Variants in IGF1R observed in about 807,000 individuals in gnomAD.
IGF1R encodes insulin like growth factor 1 receptor, also known as insulin-like growth factor 1 receptor.
A neutral mutation model predicts 144.6 loss-of-function variants in IGF1R; 44 were observed. The observed-to-expected ratio is 0.30, with a 90% CI of 0.24 to 0.39. IGF1R has a LOEUF of 0.39. Among genes scored for constraint, IGF1R ranks in the 10% least tolerant of loss-of-function variants. The pLI is 1.00. For missense variants in IGF1R, 1,355 were observed against 1,833.7 expected (o/e 0.74, Z 4.77); for synonymous variants, 795 against 722.8 (o/e 1.10, Z -1.60).
intron 2 of IGF1R, among the ~76,000 whole-genome samples, chr15:98,881,776 C>T (rs1295574320): frequency 6.6e-6 from 1 of 152,144 alleles, no homozygotes; most frequent in Non-Finnish European, 1.5e-5. Flanking sequence ...AACATTTGGT[C>T]ATGTACAAAT....
intron 2 of IGF1R, among the ~76,000 whole-genome samples, chr15:98,753,717 G>A (rs2055079821): frequency 6.6e-6 from 1 of 152,066 alleles, no homozygotes; most frequent in African/African-American, 2.4e-5. Flanking sequence ...GCCAAACCAT[G>A]GCGAATTAAT....
At chr15:98,897,852 A>C (rs2014280780) in intron 4 of IGF1R, among the ~76,000 whole-genome samples, 1 of 152,178 alleles carries the variant, frequency 6.6e-6, no homozygotes, top group African/African-American at 2.4e-5. Context: ...TAGTTTTATA[A>C]GCTAGAATAA....
At chr15:98,797,952 C>T (rs1485414685) in intron 2 of IGF1R, among the ~76,000 whole-genome samples, 1 of 152,198 alleles carries the variant, frequency 6.6e-6, no homozygotes, top group Non-Finnish European at 1.5e-5. Context: ...GGGACATTTG[C>T]CCTGCCACTG....
intron 2 of IGF1R, among the ~76,000 whole-genome samples, chr15:98,781,624 A>T (rs1369860979): frequency 6.6e-6 from 1 of 152,220 alleles, no homozygotes; most frequent in Non-Finnish European, 1.5e-5. Flanking sequence ...ATGAGTTAAT[A>T]ACATTTAGCC....
At chr15:98,706,228 C>T (rs2053858256) in intron 1 of IGF1R, among the ~76,000 whole-genome samples, 1 of 152,254 alleles carries the variant, frequency 6.6e-6, no homozygotes, top group Non-Finnish European at 1.5e-5. Flanking sequence ...TGCCTGTTGG[C>T]ATTTCTCGTG....
chr15:98,924,485 G>C (rs1424360776), intron 12 of IGF1R, 40 bp from the exon 13 acceptor site: 2 of 1,609,186 alleles, frequency 1.2e-6, no homozygotes, highest in Admixed American at 1.7e-5. Flanking sequence ...GATTTCTCCT[G>C]CATTCATGGG....
At chr15:98,912,969 TG>T in intron 7 of IGF1R, 74 bp from the exon 8 acceptor site, 1 of 921,770 alleles carries the variant, frequency 1.1e-6, no homozygotes. Flanking sequence ...TGTGACATGC[TG>T]GGCCTCTGGG....
intron 2 of IGF1R, among the ~76,000 whole-genome samples, chr15:98,879,496 C>T (rs955011838): frequency 1.3e-5 from 2 of 152,160 alleles, no homozygotes; most frequent in Non-Finnish European, 2.9e-5. Context: ...CCTGCTGACT[C>T]GGAGCAGAGG....
chr15:98,664,500 A>T (rs1208578506), intron 1 of IGF1R, among the ~76,000 whole-genome samples: 4 of 152,044 alleles, frequency 2.6e-5, no homozygotes, highest in Non-Finnish European at 4.4e-5. Flanking sequence ...CCCTGTCTCT[A>T]CTAAAAATAT....
Position 98,922,396 on chromosome 15 carries a change from C to T in IGF1R, c.2450C>T (p.Ala817Val), listed in dbSNP as rs1485579737. 1.1e-5 allele frequency: 17 copies of T among 1,613,492 alleles called. No homozygotes were observed. The highest frequency in any genetic ancestry group is 1.4e-5 in the Non-Finnish European group (17 of 1,180,042). The change falls in exon 11 of 21, where the codon GCC becomes GTC. Residue 817 changes from alanine to valine, a missense_variant. Ala to Val is a moderately conservative substitution (Grantham distance 64, BLOSUM62 0). This residue lies in a region of IGF1R where 880 missense variants were observed against 1,202.7 expected (regional missense o/e 0.73). Transcript: ENST00000650285. ...NHEAEKLGCS[A>V]SNFVFARTMP... ...GAGGCTGAGAAGCTGGGCTGCAGCG[C>T]CTCCAACTTCGTCTTTGCAAGGACT...
intron 1 of IGF1R, among the ~76,000 whole-genome samples, chr15:98,655,116 G>A (rs779631195): frequency 2.3e-4 from 35 of 152,142 alleles, no homozygotes; most frequent in Non-Finnish European, 3.7e-4. Context: ...CCATCCCCGA[G>A]GGTCTGGAAA....
chr15:98,834,624 G>A (rs549679754), intron 2 of IGF1R, among the ~76,000 whole-genome samples: 2 of 152,334 alleles, frequency 1.3e-5, no homozygotes, highest in East Asian at 1.9e-4. Context: ...AGCAGTGACT[G>A]TGAGGTGGGA....
chr15:98,884,321 C>A (rs540456123), intron 2 of IGF1R, among the ~76,000 whole-genome samples: 1 of 152,306 alleles, frequency 6.6e-6, no homozygotes, highest in East Asian at 1.9e-4. Flanking sequence ...AAACTGCACG[C>A]CAGGCATTTC....
intron 5 of IGF1R, chr15:98,900,642 A>G (rs1456457278): frequency 6.6e-6 from 1 of 152,200 alleles, no homozygotes; most frequent in Non-Finnish European, 1.5e-5. Context: ...TGTCCTCCCC[A>G]CTGGGGAACA....
rs1231929074 is a variant in IGF1R at position 98,649,048 on chromosome 15, G to GA, written c.-534_-533insA. On this transcript the variant is annotated 5_prime_UTR_variant, in exon 1 of 21. Coordinates refer to ENST00000650285, the MANE Select transcript of IGF1R (RefSeq NM_000875.5). ...GCGGAGCCAGGAGGAGGAGGAGGAG[G>GA]GGGAGCCGCTCATTCATTTTGACTC... The GA allele has an allele frequency of 4.0e-5, 9 of 223,564 alleles. 2 individuals are homozygous for GA. The highest frequency in any genetic ancestry group is 3.4e-4 in the South Asian group (2 of 5,970). The allele number at this position is 223,564 out of a possible 1,614,324, so 13.8% of individuals were successfully genotyped here.
At position 98,799,277 on chromosome 15, in the gene IGF1R, C is replaced by G. The variant is rs543860964; in HGVS notation, c.640+91170C>G. Among the ~76,000 whole-genome samples the G allele has an allele frequency of 6.6e-5, 10 of 151,954 alleles. No homozygotes were observed. In the South Asian group the frequency reaches 2.1e-3, roughly 32 times the overall value. On this transcript the variant is annotated intron_variant, in intron 2 of 20. Transcript: ENST00000650285. Reference sequence around the variant, plus strand: ...GTTTTCTCCACCCGTAAAGTACGTTCATATTCATAGAAAACCCACAGAGAA... The same window carrying G: ...GTTTTCTCCACCCGTAAAGTACGTTGATATTCATAGAAAACCCACAGAGAA...
intron 2 of IGF1R, among the ~76,000 whole-genome samples, chr15:98,829,445 G>A (rs1409500085): frequency 6.6e-6 from 1 of 152,132 alleles, no homozygotes; most frequent in African/African-American, 2.4e-5. Context: ...TAAGATGTTT[G>A]GGGGTTCAGA....
At chr15:98,858,783 A>G (rs1308554363) in intron 2 of IGF1R, among the ~76,000 whole-genome samples, 2 of 152,252 alleles carry the variant, frequency 1.3e-5, no homozygotes, top group Non-Finnish European at 2.9e-5. Context: ...TAGTAGCATC[A>G]TCATCCTTAT....
chr15:98,688,414 CTGTGTGTGTGTGTGTG>C (rs10528336), intron 1 of IGF1R, among the ~76,000 whole-genome samples: 16,064 of 143,522 alleles, frequency 0.11, 1,637 homozygotes, highest in African/African-American at 0.27. Context: ...CAACACACAC[CTGTGTGTGTGTGTGTG>C]TGTGTGTGTG....
Sources: allele counts gnomAD v4.1 joint callset (sites outside exome capture counted in the v4.1 genomes callset), GRCh38; gene constraint gnomAD v4.1.1; regional missense constraint gnomAD v4.1.1; transcripts MANE v1.5; gene names NCBI Gene and HGNC (gene_info 2026-07-23, HGNC 2026-07-21).